Variants in VDR observed in about 807,000 individuals in gnomAD.
The protein encoded by VDR is vitamin D3 receptor.
In VDR, 19 loss-of-function variants were observed where a neutral mutation model predicts 39.7. The ratio of observed to expected loss-of-function variants is 0.48; its 90% CI spans 0.33 to 0.70. The LOEUF (loss-of-function observed/expected upper bound fraction) is 0.70. Among genes scored for constraint, VDR ranks in the 30% least tolerant of loss-of-function variants. The pLI is 0.02. For synonymous variants in VDR, 242 were observed against 215.8 expected, an observed-to-expected ratio of 1.12 and a Z score of -1.07; for missense variants, 442 against 570.5, an observed-to-expected ratio of 0.77 and a Z score of 2.29.
At chr12:47,849,151 C>T (rs1455141720) in intron 7 of VDR, among the ~76,000 whole-genome samples, 1 of 152,196 alleles carries the variant, frequency 6.6e-6, no homozygotes, top group African/African-American at 2.4e-5. Context: ...TGCAGATAGG[C>T]TGTCACCCCG....
chr12:47,888,610 G>T (rs1946305213), intron 1 of VDR, among the ~76,000 whole-genome samples: 1 of 152,212 alleles, frequency 6.6e-6, no homozygotes. Flanking sequence ...GTAACAGGCA[G>T]GCTATGCCCG....
At chr12:47,847,886 G>A (rs1272723728) in intron 7 of VDR, among the ~76,000 whole-genome samples, 1 of 152,154 alleles carries the variant, frequency 6.6e-6, no homozygotes, top group Non-Finnish European at 1.5e-5. Context: ...GGGACTACAG[G>A]TGCACACCAT....
intron 2 of VDR, 125 bp downstream of exon 2, chr12:47,882,569 C>A: frequency 1.2e-6 from 1 of 801,850 alleles, no homozygotes; most frequent in Non-Finnish European, 2.0e-6. Flanking sequence ...CCGGGACCCA[C>A]CTTGCAAAAT....
chr12:47,864,929 G>A, intron 4 of VDR, 118 bp downstream of exon 4: 1 of 1,551,630 alleles, frequency 6.4e-7, no homozygotes, highest in Non-Finnish European at 8.8e-7. Flanking sequence ...GGCCCCAGAT[G>A]CTGGCAGCTA....
intron 1 of VDR, among the ~76,000 whole-genome samples, chr12:47,895,047 T>C (rs915696602): frequency 1.3e-5 from 2 of 152,254 alleles, no homozygotes; most frequent in African/African-American, 2.4e-5. Context: ...ATAAGACTGT[T>C]GTGTCAGCTG....
chr12:47,896,174 C>T (rs1018226928), intron 1 of VDR, among the ~76,000 whole-genome samples: 2 of 152,244 alleles, frequency 1.3e-5, no homozygotes, highest in African/African-American at 4.8e-5. Context: ...ATAATCACGT[C>T]AAGTGCTCAG....
Position 47,882,861 on chromosome 12 carries a change from T to C in VDR, c.-83-87A>G, listed in dbSNP as rs941170183. The C allele has an allele frequency of 8.5e-6, 9 of 1,060,260 alleles. No homozygotes were observed. The East Asian group carries it at 2.4e-4, about 28-fold the overall frequency. The allele number at this position is 1,060,260 out of a possible 1,614,324, so 65.7% of individuals were successfully genotyped here. A position where few individuals can be genotyped will look rare whatever the true frequency, so the allele number is the denominator to read the frequency against. On this transcript the variant is annotated intron_variant, in intron 1 of 9. Coordinates refer to ENST00000549336, the MANE Select transcript of VDR (RefSeq NM_000376.3). Reference sequence around the variant, plus strand: ...TAAGGAAGTGGGCACGAGAGGCTCTTTCCAGGGACTTTAGTCCCCAGATCA... The same window carrying C: ...TAAGGAAGTGGGCACGAGAGGCTCTCTCCAGGGACTTTAGTCCCCAGATCA...
At chr12:47,855,560 T>C in intron 7 of VDR, 70 bp downstream of exon 7, 2 of 1,562,296 alleles carry the variant, frequency 1.3e-6, no homozygotes, top group South Asian at 1.1e-5. Context: ...GGATGAGTGA[T>C]CTCCAACCCT....
intron 3 of VDR, among the ~76,000 whole-genome samples, chr12:47,875,805 T>G (rs1223090545): frequency 6.6e-6 from 1 of 152,220 alleles, no homozygotes; most frequent in East Asian, 1.9e-4. Context: ...TTGTCTTATG[T>G]GAGTTTTCTG....
chr12:47,898,911 G>C (rs546302400), intron 1 of VDR: 10 of 153,342 alleles, frequency 6.5e-5, no homozygotes, highest in African/African-American at 2.4e-4. Context: ...AGTAAGGAAG[G>C]GGAATGCAAA....
In VDR at chr12:47,855,604, C is replaced by T. The variant is rs1401450366; in HGVS notation, c.755+26G>A. On this transcript the variant is annotated intron_variant, in intron 7 of 9. Transcript: ENST00000549336. ...CTCAGTCTAGGACTCTGACTCTGTT[C>T]CCCAGAGATTGCAGAAGTTTCTTAC... 5.6e-6 allele frequency: 9 copies of T among 1,613,226 alleles called. No homozygotes were observed. In the Admixed American group the frequency reaches 1.5e-4, roughly 27 times the overall value.
At chr12:47,871,358 C>CTTTCT (rs1555153491) in intron 3 of VDR, among the ~76,000 whole-genome samples, 2 of 112,918 alleles carry the variant, frequency 1.8e-5, no homozygotes, top group East Asian at 5.6e-4. Context: ...TTCTTTCTTT[C>CTTTCT]CTTTCTCTCT....
At chr12:47,878,099 C>A (rs1946044590) in intron 3 of VDR, among the ~76,000 whole-genome samples, 1 of 152,344 alleles carries the variant, frequency 6.6e-6, no homozygotes, top group Non-Finnish European at 1.5e-5. Context: ...CAGCATCCTC[C>A]TCTGGACTTG....
In VDR at chr12:47,845,117, C is replaced by G. The variant is rs11574113; in HGVS notation, c.1025-112G>C. 162,157 of 1,529,098 alleles carry G rather than the reference C, an allele frequency of 0.11. 9,551 individuals carry two copies. The highest frequency in any genetic ancestry group is 0.22 in the East Asian group (9,533 of 44,284). 94.7% of individuals were successfully genotyped at this position (1,529,098 alleles called of 1,614,324 possible). ...ACACTCAACGGCAGCACCCCCTAGG[C>G]CACCCCTCTATGACTGCTGACCGGT... On this transcript the variant is annotated intron_variant, in intron 9 of 9. Transcript: ENST00000549336.
chr12:47,859,268 C>A (rs1219490245), intron 4 of VDR, among the ~76,000 whole-genome samples: 2 of 152,230 alleles, frequency 1.3e-5, no homozygotes, highest in Non-Finnish European at 1.5e-5. Context: ...CTGGACTTTG[C>A]TAACTTTCCA....
intron 4 of VDR, among the ~76,000 whole-genome samples, chr12:47,860,881 G>A (rs1040201313): frequency 2.6e-4 from 39 of 152,214 alleles, no homozygotes; most frequent in African/African-American, 8.4e-4. Flanking sequence ...GAAAATATTC[G>A]TAATGCTGGA....
At chr12:47,857,085 C>G (rs370436774) in intron 6 of VDR, 44 bp downstream of exon 6, 3 of 1,612,430 alleles carry the variant, frequency 1.9e-6, no homozygotes, top group Non-Finnish European at 2.5e-6. Flanking sequence ...GTGGACTCCT[C>G]GCCCCCGCTC....
At chr12:47,864,652 G>C (rs1436988199) in intron 4 of VDR, among the ~76,000 whole-genome samples, 2 of 152,194 alleles carry the variant, frequency 1.3e-5, no homozygotes, top group African/African-American at 4.8e-5. Flanking sequence ...GGGGGTCCTT[G>C]AACCTCATTC....
At chr12:47,878,934 T>C (rs1434273664) in intron 3 of VDR, 34 bp downstream of exon 3, 2 of 1,614,084 alleles carry the variant, frequency 1.2e-6, no homozygotes, top group Admixed American at 1.7e-5. Flanking sequence ...TCTCCCTCCC[T>C]TTCCACTGGG....
Sources: gnomAD v4.1 joint callset for allele counts (sites outside exome capture counted in the v4.1 genomes callset) on GRCh38, gnomAD v4.1.1 for gene constraint, MANE v1.5 for transcripts, NCBI Gene and HGNC (gene_info 2026-07-23, HGNC 2026-07-21) for gene names.